ST7: variants seen among roughly 807,000 people sequenced by gnomAD.
ST7 encodes the protein suppression of tumorigenicity 7.
In ST7, 28 loss-of-function variants were observed where a neutral mutation model predicts 78.7. The ratio of observed to expected loss-of-function variants is 0.36; its 90% confidence interval spans 0.26 to 0.49. The LOEUF is 0.49. Ranked by LOEUF, ST7 falls within the 20% of genes least tolerant of loss-of-function variation. ST7 has a pLI of 0.99. For synonymous variants in ST7, 247 were observed against 249.6 expected, an observed-to-expected ratio of 0.99 and a Z score of 0.10; for missense variants, 418 against 696.0, an observed-to-expected ratio of 0.60 and a Z score of 4.49.
intron 1 of ST7, among the ~76,000 whole-genome samples, chr7:116,981,222 C>T (rs76952884): frequency 6.6e-6 from 1 of 152,084 alleles, no homozygotes; most frequent in Non-Finnish European, 1.5e-5. Flanking sequence ...GATCCTCCCC[C>T]TCAGCTTCCC....
intron 10 of ST7, among the ~76,000 whole-genome samples, chr7:117,177,877 C>T (rs749909700): frequency 5.3e-5 from 8 of 152,206 alleles, no homozygotes; most frequent in Non-Finnish European, 1.0e-4. Flanking sequence ...GTTTTCTTTA[C>T]ATCATATCAT....
intron 1 of ST7, among the ~76,000 whole-genome samples, chr7:117,014,602 T>C (rs1795523926): frequency 6.6e-6 from 1 of 152,200 alleles, no homozygotes; most frequent in South Asian, 2.1e-4. Context: ...CCTTTCAGGT[T>C]ATGTGGCTTC....
At chr7:117,156,542 T>C (rs1280639758) in intron 9 of ST7, among the ~76,000 whole-genome samples, 1 of 152,136 alleles carries the variant, frequency 6.6e-6, no homozygotes, top group African/African-American at 2.4e-5. Flanking sequence ...TTGGGAGTTA[T>C]CAACATATAC....
chr7:117,134,371 C>A (rs953449716), intron 7 of ST7, among the ~76,000 whole-genome samples, 179 bp downstream of exon 7: 4 of 151,974 alleles, frequency 2.6e-5, no homozygotes, highest in Non-Finnish European at 5.9e-5. Flanking sequence ...TACTCCCCAA[C>A]CATTAGCACT....
At chr7:117,052,719 C>A (rs1455891486) in intron 1 of ST7, among the ~76,000 whole-genome samples, 1 of 152,114 alleles carries the variant, frequency 6.6e-6, no homozygotes, top group Non-Finnish European at 1.5e-5. Context: ...ACGGTGAAAC[C>A]CCGTCTCTAC....
intron 1 of ST7, among the ~76,000 whole-genome samples, chr7:117,038,647 G>A (rs1797030525): frequency 2.0e-5 from 3 of 152,164 alleles, no homozygotes; most frequent in Admixed American, 6.5e-5. Context: ...CATATAGTAA[G>A]TGTTGAATGC....
chr7:117,109,196 A>G lies in ST7; in HGVS notation c.234+9352A>G, dbSNP rs73477386. On this transcript the variant is annotated intron_variant, in intron 2 of 15. Coordinates refer to ENST00000323984, the MANE Select transcript of ST7 (RefSeq NM_001369598.1). ...CCTGTTCTCAGGGTAAATGCTTTCA[A>G]CTTTTCCTCGTTCAGTATAATGTTG... 6.7e-3 allele frequency among the ~76,000 whole-genome samples: 1,022 copies of G among 152,262 alleles called. 10 individuals are homozygous for G. Among genetic ancestry groups the G allele is most frequent in the African/African-American group, 0.024 (979 of 41,556 alleles).
chr7:117,047,329 T>C (rs1009741240), intron 1 of ST7, among the ~76,000 whole-genome samples: 1 of 152,154 alleles, frequency 6.6e-6, no homozygotes, highest in African/African-American at 2.4e-5. Flanking sequence ...AACCTGGGAA[T>C]TGTGTGTTTC....
chr7:116,964,029 A>G (rs926923623), intron 1 of ST7, among the ~76,000 whole-genome samples: 2 of 152,236 alleles, frequency 1.3e-5, no homozygotes, highest in Non-Finnish European at 2.9e-5. Context: ...TCAGTGAGGA[A>G]GGACTATTTG....
chr7:117,228,361 A>G (rs975836570), intron 15 of ST7, among the ~76,000 whole-genome samples: 7 of 152,208 alleles, frequency 4.6e-5, no homozygotes, highest in Non-Finnish European at 7.3e-5. Flanking sequence ...GCTTCCTGAC[A>G]GTGGGAGTTT....
chr7:117,031,235 A>G (rs1239912120), intron 1 of ST7, among the ~76,000 whole-genome samples: 1 of 151,978 alleles, frequency 6.6e-6, no homozygotes, highest in Non-Finnish European at 1.5e-5. Flanking sequence ...AAAACCCACA[A>G]AAAACTTTTG....
Position 117,120,436 on chromosome 7 carries a change from A to G in ST7, c.394+716A>G, listed in dbSNP as rs1050736416. 2.0e-5 allele frequency among the ~76,000 whole-genome samples: 3 copies of G among 152,322 alleles called. No individual in the cohort carries two copies. The South Asian group carries it at 6.2e-4, about 32-fold the overall frequency. On this transcript the variant is annotated intron_variant, in intron 3 of 15. Coordinates refer to ENST00000323984, the MANE Select transcript of ST7 (RefSeq NM_001369598.1). ...GTATCATTGGTTCCCATTCCACTGA[A>G]GATAAGGCCCAGGTTCCAGATTCCT...
At chr7:117,098,873 TAA>T in intron 1 of ST7, 1 of 1,255,836 alleles carries the variant, frequency 8.0e-7, no homozygotes, top group Non-Finnish European at 1.1e-6. Flanking sequence ...TAGATATAAA[TAA>T]CAATGACTTA....
intron 1 of ST7, among the ~76,000 whole-genome samples, chr7:116,983,984 G>C (rs989244897): frequency 6.6e-6 from 1 of 152,102 alleles, no homozygotes; most frequent in Non-Finnish European, 1.5e-5. Flanking sequence ...TGGTTCTTAA[G>C]GTGATATCGA....
At chr7:117,217,765 C>T (rs758249288) in intron 13 of ST7, among the ~76,000 whole-genome samples, 17 of 152,100 alleles carry the variant, frequency 1.1e-4, no homozygotes, top group Non-Finnish European at 1.9e-4. Flanking sequence ...ACATTTTTAC[C>T]TCAGCAAACT....
rs538323474 is a variant in ST7 at position 116,974,357 on chromosome 7, G to A, written c.151+20666G>A. Among the ~76,000 whole-genome samples, 14 of 150,874 alleles carry A rather than the reference G, an allele frequency of 9.3e-5. No individual in the cohort carries two copies. The South Asian group carries it at 2.9e-3, about 32-fold the overall frequency. ...GGCTGGAGTGCAGTGGCGTGATCTCGGCTCACTGCAAGCTCCGCCTCCTGG... is the reference window on the plus strand; with the variant it reads ...GGCTGGAGTGCAGTGGCGTGATCTCAGCTCACTGCAAGCTCCGCCTCCTGG... On this transcript the variant is annotated intron_variant, in intron 1 of 15. Transcript: ENST00000323984.
rs1792937768 is a variant in ST7 at position 117,219,604 on chromosome 7, C to A, written c.1498+428C>A. Among the ~76,000 whole-genome samples, 1 of 152,210 alleles carries A rather than the reference C, an allele frequency of 6.6e-6. No individual in the cohort carries two copies. Among genetic ancestry groups the A allele is most frequent in the Admixed American group, 6.5e-5 (1 of 15,286 alleles). On this transcript the variant is annotated intron_variant, in intron 14 of 15. Transcript: ENST00000323984. The surrounding 1 kb of genome is among the most constrained non-coding windows in gnomAD (Gnocchi z 5.1). The stretch of plus-strand genomic sequence containing the variant: ...GCATGAGTCATGGGTGGGAGGCCAG[C>A]ACCAGGAAGCTGGCACCATGGCCAG...
At chr7:117,081,771 A>G (rs1420452003) in intron 1 of ST7, among the ~76,000 whole-genome samples, 2 of 152,350 alleles carry the variant, frequency 1.3e-5, no homozygotes, top group East Asian at 3.9e-4. Context: ...TGACAATTGT[A>G]AAAGATGACT....
At chr7:116,956,700 A>G (rs774202398) in intron 1 of ST7, 1 of 468,206 alleles carries the variant, frequency 2.1e-6, no homozygotes, top group South Asian at 1.6e-5. Flanking sequence ...GACAATTTTA[A>G]TCCTCATTTG....
Sources: gnomAD v4.1 joint callset for allele counts (sites outside exome capture counted in the v4.1 genomes callset) on GRCh38, gnomAD v4.1.1 for gene constraint, Gnocchi (gnomAD v3.1) non-coding constraint, MANE v1.5 for transcripts, NCBI Gene and HGNC (gene_info 2026-07-23, HGNC 2026-07-21) for gene names.